Variants in SHROOM3 observed in about 807,000 individuals in gnomAD.
The protein encoded by SHROOM3 is protein Shroom3.
A neutral mutation model predicts 138.6 loss-of-function variants in SHROOM3; 47 were observed. The observed-to-expected ratio is 0.34, with a 90% CI of 0.27 to 0.43. SHROOM3 has a LOEUF of 0.43. Among genes scored for constraint, SHROOM3 ranks in the 20% least tolerant of loss-of-function variants. SHROOM3 has a pLI of 1.00. For synonymous variants in SHROOM3, 1,062 were observed against 1,063.3 expected, an observed-to-expected ratio of 1.00 and a Z score of 0.02; for missense variants, 2,491 against 2,596.5, an observed-to-expected ratio of 0.96 and a Z score of 0.88.
chr4:76,606,475 G>A (rs575800376), intron 2 of SHROOM3, among the ~76,000 whole-genome samples: 5 of 151,996 alleles, frequency 3.3e-5, no homozygotes, highest in South Asian at 2.1e-4. Flanking sequence ...TTTGGGAGGC[G>A]GGTGGATCAT....
At chr4:76,660,413 A>T (rs1018760072) in intron 2 of SHROOM3, among the ~76,000 whole-genome samples, 4 of 152,140 alleles carry the variant, frequency 2.6e-5, no homozygotes, top group African/African-American at 9.7e-5. Flanking sequence ...CCTAGGAGAG[A>T]GTCATCAACA....
rs944912641 is a variant in SHROOM3 at position 76,589,850 on chromosome 4, C to T, written c.323+34087C>T. Among the ~76,000 whole-genome samples, 6 of 152,238 alleles carry T rather than the reference C, an allele frequency of 3.9e-5. No individual in the cohort carries two copies. The South Asian group carries it at 8.3e-4, about 21-fold the overall frequency. ...ATTTATTTCTCAGTTGTTTATTAAT[C>T]GTGGATCATTAGTTCTTCCATCTGA... is the stretch of plus-strand genomic sequence containing the variant. On this transcript the variant is annotated intron_variant, in intron 2 of 10. Transcript: ENST00000296043.
At chr4:76,521,582 T>G (rs1176765735) in intron 1 of SHROOM3, among the ~76,000 whole-genome samples, 1 of 152,210 alleles carries the variant, frequency 6.6e-6, no homozygotes, top group Non-Finnish European at 1.5e-5. Flanking sequence ...ACTTGCACAA[T>G]AGTTTCACAT....
intron 3 of SHROOM3, chr4:76,716,539 C>A (rs1720382447): frequency 2.3e-6 from 1 of 425,690 alleles, no homozygotes; most frequent in Non-Finnish European, 4.7e-6. Context: ...AACCAACTGC[C>A]TGTTAGGTTT....
At chr4:76,492,016 T>C (rs1168816818) in intron 1 of SHROOM3, among the ~76,000 whole-genome samples, 3 of 152,214 alleles carry the variant, frequency 2.0e-5, no homozygotes, top group African/African-American at 7.2e-5. Context: ...AACAAAAGTC[T>C]GTAAAGGCCG....
intron 2 of SHROOM3, among the ~76,000 whole-genome samples, chr4:76,588,626 G>A (rs1734198220): frequency 6.6e-6 from 1 of 152,074 alleles, no homozygotes. Flanking sequence ...TCCAGCCTTG[G>A]CCCCTGACTT....
chr4:76,513,180 G>C (rs1225096343), intron 1 of SHROOM3, among the ~76,000 whole-genome samples: 2 of 152,118 alleles, frequency 1.3e-5, no homozygotes, highest in East Asian at 3.9e-4. Flanking sequence ...GGTCTTTCAT[G>C]ATTCCCTATC....
chr4:76,518,575 T>TGCCTGCCTGCCTGCCTGCCTGCCTGCC (rs1560531527), intron 1 of SHROOM3, among the ~76,000 whole-genome samples: 6 of 117,434 alleles, frequency 5.1e-5, no homozygotes, highest in African/African-American at 1.9e-4. Context: ...TCTTGCCTGC[T>TGCCTGCCTGCCTGCCTGCCTGCCTGCC]TGCCTGCCTG....
At chr4:76,553,276 T>C (rs1451791791) in intron 1 of SHROOM3, among the ~76,000 whole-genome samples, 1 of 152,080 alleles carries the variant, frequency 6.6e-6, no homozygotes, top group Non-Finnish European at 1.5e-5. Context: ...TTTTCTCTTT[T>C]ATTTATTTAT....
rs1258313876 is a variant in SHROOM3, at chr4:76,611,493, CGGT to C, written c.323+55733_323+55735del. ...AGTCAATTTAGCAAAAGTGAGAAAA[CGGT>C]GGGGTGATAGGAAGTCATTCCTGGA... On this transcript the variant is annotated intron_variant, in intron 2 of 10. Transcript: ENST00000296043. 5.3e-5 allele frequency among the ~76,000 whole-genome samples: 8 copies of C among 152,052 alleles called. No homozygotes were observed. In the East Asian group the frequency reaches 1.4e-3, roughly 26 times the overall value.
chr4:76,661,912 C>A (rs997233404), intron 2 of SHROOM3, among the ~76,000 whole-genome samples: 3 of 152,218 alleles, frequency 2.0e-5, no homozygotes, highest in Admixed American at 2.0e-4. Flanking sequence ...TAAAATGCTA[C>A]CTCATAAGGT....
rs754657908 is a variant in SHROOM3, at chr4:76,517,637, AT to A, written c.169-37971del. Among the ~76,000 whole-genome samples, 828 of 151,650 alleles carry A rather than the reference AT, an allele frequency of 5.5e-3. 8 individuals carry two copies. The highest frequency in any genetic ancestry group is 0.019 in the African/African-American group (787 of 41,438). On this transcript the variant is annotated intron_variant, in intron 1 of 10. Coordinates refer to ENST00000296043, the MANE Select transcript of SHROOM3 (RefSeq NM_020859.4). ...GTTTGTTTGGTATATATATATATAT[AT>A]ATAAAGGGGATGTTAGGGCTGTAGT...
intron 2 of SHROOM3, 146 bp from the exon 3 acceptor site, chr4:76,710,010 C>T: frequency 2.0e-6 from 2 of 976,522 alleles, no homozygotes; most frequent in South Asian, 1.4e-5. Context: ...TTGTTAGGTG[C>T]AGGCTTAGAA....
chr4:76,493,980 AAAAT>A lies in SHROOM3; in HGVS notation c.168+57772_168+57775del, dbSNP rs200789521. Reference sequence around the variant, plus strand: ...GGCAACAAGAGTGAAACTCCATCTCAAAATAAATAAATAAAGTGAAAAGATTAAC... The same window carrying A: ...GGCAACAAGAGTGAAACTCCATCTCAAAATAAATAAAGTGAAAAGATTAAC... On this transcript the variant is annotated intron_variant, in intron 1 of 10. Coordinates refer to ENST00000296043, the MANE Select transcript of SHROOM3 (RefSeq NM_020859.4). Among the ~76,000 whole-genome samples, 1,035 of 152,304 alleles carry A rather than the reference AAAAT, an allele frequency of 6.8e-3. 9 individuals are homozygous for A. Among genetic ancestry groups the A allele is most frequent in the African/African-American group, 0.024 (986 of 41,572 alleles).
chr4:76,722,384 T>C (rs919692709), intron 3 of SHROOM3, among the ~76,000 whole-genome samples: 6 of 152,170 alleles, frequency 3.9e-5, no homozygotes, highest in African/African-American at 1.4e-4. Flanking sequence ...TGGAGGCCAT[T>C]ATCCTTAGCA....
chr4:76,479,396 G>A (rs1731557951), intron 1 of SHROOM3, among the ~76,000 whole-genome samples: 1 of 151,728 alleles, frequency 6.6e-6, no homozygotes, highest in Admixed American at 6.6e-5. Flanking sequence ...CTGAAGATCA[G>A]CTTAATGAAA....
At chr4:76,697,001 C>T (rs1014510954) in intron 2 of SHROOM3, among the ~76,000 whole-genome samples, 2 of 151,978 alleles carry the variant, frequency 1.3e-5, no homozygotes, top group African/African-American at 4.8e-5. Context: ...ACTGCAACCT[C>T]GAACTCCTGG....
At chr4:76,461,908 T>A (rs1731149506) in intron 1 of SHROOM3, among the ~76,000 whole-genome samples, 1 of 152,186 alleles carries the variant, frequency 6.6e-6, no homozygotes, top group Non-Finnish European at 1.5e-5. Flanking sequence ...AATGGGAATG[T>A]TAGGAATCAC....
chr4:76,532,658 A>G (rs1732857206), intron 1 of SHROOM3, among the ~76,000 whole-genome samples: 2 of 152,234 alleles, frequency 1.3e-5, no homozygotes, highest in African/African-American at 4.8e-5. Context: ...TGGAGGTGTG[A>G]TAGCAAAACT....
Sources: allele counts gnomAD v4.1 joint callset (sites outside exome capture counted in the v4.1 genomes callset), GRCh38; gene constraint gnomAD v4.1.1; transcripts MANE v1.5; gene names NCBI Gene and HGNC (gene_info 2026-07-23, HGNC 2026-07-21).